CHRM3: variants seen among roughly 807,000 people sequenced by gnomAD.
CHRM3 encodes the protein cholinergic receptor muscarinic 3.
Under a neutral mutation model 41.8 loss-of-function variants are expected in CHRM3, and 11 were observed. The ratio of observed to expected loss-of-function variants is 0.26; its 90% CI spans 0.17 to 0.44. CHRM3 has a LOEUF of 0.44. Among genes scored for constraint, CHRM3 ranks in the 20% least tolerant of loss-of-function variants. CHRM3 has a pLI of 1.00. For synonymous variants in CHRM3, 297 were observed against 301.4 expected (o/e 0.99, Z 0.15); for missense variants, 571 against 745.4 (o/e 0.77, Z 2.72).
intron 6 of CHRM3, among the ~76,000 whole-genome samples, chr1:239,903,410 T>G (rs1018506936): frequency 6.6e-6 from 1 of 152,132 alleles, no homozygotes; most frequent in Admixed American, 6.6e-5. Context: ...TACCTGGGGG[T>G]GAGTTTATGA....
chr1:239,525,094 G>A (rs1044672108), intron 2 of CHRM3, among the ~76,000 whole-genome samples: 2 of 152,056 alleles, frequency 1.3e-5, no homozygotes, highest in African/African-American at 4.8e-5. Flanking sequence ...AGGGCACAGT[G>A]GTTCACACCT....
At chr1:239,859,768 G>T (rs1228788761) in intron 6 of CHRM3, among the ~76,000 whole-genome samples, 1 of 147,492 alleles carries the variant, frequency 6.8e-6, no homozygotes, top group Non-Finnish European at 1.5e-5. Flanking sequence ...TTTATGTAGT[G>T]CATGCCGTAT....
At chr1:239,682,029 G>C (rs903097805) in intron 5 of CHRM3, among the ~76,000 whole-genome samples, 1 of 152,152 alleles carries the variant, frequency 6.6e-6, no homozygotes, top group Non-Finnish European at 1.5e-5. Context: ...GCCCGTGCAG[G>C]GCTGTTCTGT....
chr1:239,611,707 C>CCA (rs1301842697), intron 3 of CHRM3, among the ~76,000 whole-genome samples: 6 of 152,140 alleles, frequency 3.9e-5, no homozygotes. Flanking sequence ...GCATGAGCCA[C>CCA]CGCACCCAGC....
At chr1:239,571,752 T>C (rs1266597487) in intron 3 of CHRM3, among the ~76,000 whole-genome samples, 1 of 152,198 alleles carries the variant, frequency 6.6e-6, no homozygotes, top group Non-Finnish European at 1.5e-5. Flanking sequence ...AAGTCTCCAC[T>C]ATGTCCAACT....
intron 1 of CHRM3, among the ~76,000 whole-genome samples, chr1:239,448,981 A>T (rs1292678507): frequency 6.6e-6 from 1 of 152,156 alleles, no homozygotes; most frequent in African/African-American, 2.4e-5. Context: ...GGAATATCAG[A>T]TTTTTTTCAA....
At chr1:239,517,078 A>G (rs9428837) in intron 2 of CHRM3, among the ~76,000 whole-genome samples, 76,890 of 151,962 alleles carry the variant, frequency 0.51, 19,757 homozygotes, top group Middle Eastern at 0.65. Flanking sequence ...AATAAAGTAC[A>G]CAATAAATGT....
At chr1:239,743,062 T>G (rs183195679) in intron 5 of CHRM3, among the ~76,000 whole-genome samples, 2 of 152,172 alleles carry the variant, frequency 1.3e-5, no homozygotes, top group Admixed American at 1.3e-4. Flanking sequence ...GTAAAACTAC[T>G]CAGGGGAAAA....
At chr1:239,581,641 C>A (rs887585649) in intron 3 of CHRM3, among the ~76,000 whole-genome samples, 1 of 152,252 alleles carries the variant, frequency 6.6e-6, no homozygotes, top group South Asian at 2.1e-4. Flanking sequence ...GGTTTATTGG[C>A]AGCCAACACT....
At chr1:239,820,094 AC>A (rs1230566542) in intron 5 of CHRM3, among the ~76,000 whole-genome samples, 5 of 152,164 alleles carry the variant, frequency 3.3e-5, no homozygotes, top group Admixed American at 6.6e-5. Flanking sequence ...ACAACGATAG[AC>A]CACTTCCCCT....
At chr1:239,668,086 T>G (rs1476131075) in intron 4 of CHRM3, among the ~76,000 whole-genome samples, 6 of 140,388 alleles carry the variant, frequency 4.3e-5, no homozygotes, top group African/African-American at 1.6e-4. Flanking sequence ...TTTTTTCCCC[T>G]TTCTTTTTTT....
intron 1 of CHRM3, among the ~76,000 whole-genome samples, chr1:239,470,137 T>C (rs1055985994): frequency 1.3e-5 from 2 of 152,080 alleles, no homozygotes; most frequent in Non-Finnish European, 2.9e-5. Flanking sequence ...AAAGACAGTG[T>C]TATTATAAAA....
At chr1:239,782,263 T>C (rs1453604538) in intron 5 of CHRM3, among the ~76,000 whole-genome samples, 1 of 152,088 alleles carries the variant, frequency 6.6e-6, no homozygotes, top group Non-Finnish European at 1.5e-5. Context: ...GGAAAGTGAA[T>C]TAATTATTTA....
chr1:239,668,766 G>T (rs1019680313), intron 4 of CHRM3, among the ~76,000 whole-genome samples: 11 of 152,124 alleles, frequency 7.2e-5, no homozygotes, highest in African/African-American at 2.7e-4. Flanking sequence ...ATCAGAGTGT[G>T]ACTGCAGAAG....
chr1:239,604,355 C>T (rs896515032), intron 3 of CHRM3, among the ~76,000 whole-genome samples: 5 of 150,966 alleles, frequency 3.3e-5, no homozygotes, highest in African/African-American at 4.9e-5. Context: ...AGAGTATTGC[C>T]GTAATATTCA....
At chr1:239,394,751 C>T (rs1659334851) in intron 1 of CHRM3, among the ~76,000 whole-genome samples, 1 of 152,156 alleles carries the variant, frequency 6.6e-6, no homozygotes, top group African/African-American at 2.4e-5. Flanking sequence ...ACTTATTTGC[C>T]TTCTTAATAA....
chr1:239,745,526 G>A (rs1439757554), intron 5 of CHRM3, among the ~76,000 whole-genome samples: 1 of 151,718 alleles, frequency 6.6e-6, no homozygotes, highest in Non-Finnish European at 1.5e-5. Flanking sequence ...TAAGTTCTGG[G>A]GTACATGTGC....
chr1:239,862,269 A>G (rs1675702183), intron 6 of CHRM3, among the ~76,000 whole-genome samples: 1 of 152,232 alleles, frequency 6.6e-6, no homozygotes, highest in African/African-American at 2.4e-5. Context: ...TTTCCCTGTT[A>G]GAAGGAAGTC....
chr1:239,709,256 CT>C (rs1419551544), intron 5 of CHRM3, among the ~76,000 whole-genome samples: 2 of 152,156 alleles, frequency 1.3e-5, no homozygotes, highest in East Asian at 3.9e-4. Flanking sequence ...CACCCCAAGT[CT>C]TTGTTTTCTG....
Sources: allele counts gnomAD v4.1 joint callset (sites outside exome capture counted in the v4.1 genomes callset), GRCh38; gene constraint gnomAD v4.1.1; transcripts MANE v1.5; gene names NCBI Gene and HGNC (gene_info 2026-07-23, HGNC 2026-07-21).